Variants in TNFRSF8 observed in about 807,000 individuals in gnomAD.
The protein encoded by TNFRSF8 is tumor necrosis factor receptor superfamily member 8.
A neutral mutation model predicts 70.8 loss-of-function variants in TNFRSF8; 26 were observed. That is an observed-to-expected ratio of 0.37 (90% confidence interval 0.27 to 0.51). The LOEUF is 0.51. Among genes scored for constraint, TNFRSF8 ranks in the 20% least tolerant of loss-of-function variants. The pLI, the probability that TNFRSF8 is intolerant of heterozygous loss-of-function variation, is 0.94. For missense variants in TNFRSF8, 720 were observed against 807.9 expected, an observed-to-expected ratio of 0.89 and a Z score of 1.32; for synonymous variants, 356 against 339.2, an observed-to-expected ratio of 1.05 and a Z score of -0.54.
At chr1:12,065,032 TG>T (rs1640712807) in intron 1 of TNFRSF8, among the ~76,000 whole-genome samples, 1 of 150,068 alleles carries the variant, frequency 6.7e-6, no homozygotes, top group Non-Finnish European at 1.5e-5. Context: ...TTGTCCAGGC[TG>T]GAGTGCGATC....
chr1:12,071,487 G>A (rs914952320), intron 1 of TNFRSF8, among the ~76,000 whole-genome samples: 1 of 152,138 alleles, frequency 6.6e-6, no homozygotes. Context: ...TTTTTCTTCT[G>A]GATATGCTGT....
rs1641639213 is a variant in TNFRSF8, at chr1:12,111,911, A to T, written c.690A>T (p.Thr230=). The change falls in exon 7 of 15, where the codon ACA becomes ACT. Residue 230 remains threonine, a synonymous_variant. Coordinates refer to ENST00000263932, the MANE Select transcript of TNFRSF8 (RefSeq NM_001243.5). ...RPSSDPGLSP[T]QPCPEGSGDC... is the part of the protein sequence containing the mutation. Reference sequence around the variant, plus strand: ...TTCTTTCCCCAGGTCTGTCCCCAACACAGCCATGCCCAGAGGGGTCTGGTG... The same window carrying T: ...TTCTTTCCCCAGGTCTGTCCCCAACTCAGCCATGCCCAGAGGGGTCTGGTG... The T allele has an allele frequency of 6.2e-7, 1 of 1,614,080 alleles. No individual in the cohort carries two copies. The highest frequency in any genetic ancestry group is 1.3e-5 in the African/African-American group (1 of 74,944).
chr1:12,075,867 C>T (rs1361676102), intron 1 of TNFRSF8, among the ~76,000 whole-genome samples: 1 of 152,202 alleles, frequency 6.6e-6, no homozygotes, highest in Non-Finnish European at 1.5e-5. Context: ...ACACCTCCAA[C>T]CAGAAACATT....
At chr1:12,066,079 T>C (rs1640734682) in intron 1 of TNFRSF8, among the ~76,000 whole-genome samples, 1 of 152,220 alleles carries the variant, frequency 6.6e-6, no homozygotes, top group Non-Finnish European at 1.5e-5. Context: ...TTTTAATTTT[T>C]CTCAATGTGA....
At chr1:12,131,143 G>T (rs482170) in intron 12 of TNFRSF8, among the ~76,000 whole-genome samples, 107,794 of 152,088 alleles carry the variant, frequency 0.71, 38,510 homozygotes, top group Admixed American at 0.8. Flanking sequence ...TTTTAAAATA[G>T]TTTAATTTTT....
At chr1:12,117,072 G>A (rs1641744890) in intron 8 of TNFRSF8, among the ~76,000 whole-genome samples, 1 of 152,062 alleles carries the variant, frequency 6.6e-6, no homozygotes. Flanking sequence ...TTAATCCCCA[G>A]TATTGTCTTT....
At chr1:12,126,958 G>A (rs1428531974) in intron 12 of TNFRSF8, among the ~76,000 whole-genome samples, 1 of 152,194 alleles carries the variant, frequency 6.6e-6, no homozygotes, top group Non-Finnish European at 1.5e-5. Flanking sequence ...CCTGAGTCCT[G>A]GGTGCTTCTG....
chr1:12,094,679 G>A (rs1245663826), intron 2 of TNFRSF8, among the ~76,000 whole-genome samples: 2 of 146,842 alleles, frequency 1.4e-5, no homozygotes, highest in African/African-American at 5.1e-5. Flanking sequence ...AGGCTGGAGT[G>A]CAGTGACGCG....
intron 2 of TNFRSF8, among the ~76,000 whole-genome samples, chr1:12,093,101 G>A (rs1201644585): frequency 3.9e-5 from 6 of 152,056 alleles, no homozygotes; most frequent in Admixed American, 6.6e-5. Flanking sequence ...CCACCGCACC[G>A]GCCAAGTTTC....
intron 12 of TNFRSF8, among the ~76,000 whole-genome samples, chr1:12,134,391 G>A (rs1250561718): frequency 6.6e-6 from 1 of 152,218 alleles, no homozygotes; most frequent in Non-Finnish European, 1.5e-5. Flanking sequence ...GCTCCAGGAT[G>A]AGTTAGATGC....
In TNFRSF8 at chr1:12,108,431, C is replaced by T. The variant is rs1641567783; in HGVS notation, c.422-1135C>T. ...ATGGGAGTCCAGATGGGTGTAAGGA[C>T]ATAGCATTTACCATATGTCATGCAA... On this transcript the variant is annotated intron_variant, in intron 4 of 14. Coordinates refer to ENST00000263932, the MANE Select transcript of TNFRSF8 (RefSeq NM_001243.5). The surrounding 1 kb of genome is among the most constrained non-coding windows in gnomAD (Gnocchi z 4.0). Among the ~76,000 whole-genome samples, 1 of 152,142 alleles carries T rather than the reference C, an allele frequency of 6.6e-6. No individual in the cohort carries two copies. The highest frequency in any genetic ancestry group is 2.4e-5 in the African/African-American group (1 of 41,430).
At chr1:12,073,297 C>T (rs1640879806) in intron 1 of TNFRSF8, among the ~76,000 whole-genome samples, 1 of 151,320 alleles carries the variant, frequency 6.6e-6, no homozygotes, top group Non-Finnish European at 1.5e-5. Context: ...AAAGTAAATA[C>T]ACAAGCCCCT....
At position 12,108,527 on chromosome 1, in the gene TNFRSF8, G is replaced by A. The variant is rs4846091; in HGVS notation, c.422-1039G>A. On this transcript the variant is annotated intron_variant, in intron 4 of 14. Transcript: ENST00000263932. This position sits in a 1 kb window ranked among gnomAD's most constrained non-coding sequence, Gnocchi z 4.0. ...GCCTGGTGAAGAGTGTATGATTATA[G>A]TCATTTGACTGGGCTGGGCACGGCA... Among the ~76,000 whole-genome samples, 62,521 of 151,968 alleles carry A rather than the reference G, an allele frequency of 0.41. 13,873 individuals carry two copies. The highest frequency in any genetic ancestry group is 0.58 in the African/African-American group (24,028 of 41,444).
intron 8 of TNFRSF8, among the ~76,000 whole-genome samples, chr1:12,120,523 G>C (rs953368312): frequency 1.3e-5 from 2 of 152,194 alleles, no homozygotes; most frequent in African/African-American, 4.8e-5. Flanking sequence ...ATATGAAGAT[G>C]AAATTTCACC....
At chr1:12,118,585 C>G (rs1248527863) in intron 8 of TNFRSF8, among the ~76,000 whole-genome samples, 2 of 152,294 alleles carry the variant, frequency 1.3e-5, no homozygotes, top group East Asian at 3.9e-4. Context: ...CAGAAAAATT[C>G]ACGAAGTCGT....
intron 8 of TNFRSF8, among the ~76,000 whole-genome samples, chr1:12,117,770 G>A (rs1226548892): frequency 6.6e-6 from 1 of 152,102 alleles, no homozygotes; most frequent in Non-Finnish European, 1.5e-5. Context: ...AACTCAGGAC[G>A]TTTAGGGTAT....
In TNFRSF8 at chr1:12,112,092, C is replaced by A; in HGVS notation, c.793+78C>A. The A allele has an allele frequency of 2.8e-6, 3 of 1,061,840 alleles. No homozygotes were observed. The highest frequency in any genetic ancestry group is 4.2e-6 in the Non-Finnish European group (3 of 710,078). The allele number at this position is 1,061,840 out of a possible 1,614,324, so 65.8% of individuals were successfully genotyped here. On this transcript the variant is annotated intron_variant, in intron 7 of 14. Coordinates refer to ENST00000263932, the MANE Select transcript of TNFRSF8 (RefSeq NM_001243.5). This position sits in a 1 kb window ranked among gnomAD's most constrained non-coding sequence, Gnocchi z 5.3. ...CCGTGAACTTCCAGTAACTACTCCC[C>A]CTTATGTTTGTGGGTTTTTGATGGG...
At chr1:12,126,664 G>T (rs1480825188) in intron 12 of TNFRSF8, among the ~76,000 whole-genome samples, 1 of 152,060 alleles carries the variant, frequency 6.6e-6, no homozygotes, top group Non-Finnish European at 1.5e-5. Context: ...TGGCAAGTCA[G>T]CCCAGGGGCA....
chr1:12,075,342 T>C (rs1054416365), intron 1 of TNFRSF8, among the ~76,000 whole-genome samples: 13 of 152,034 alleles, frequency 8.6e-5, no homozygotes, highest in African/African-American at 3.1e-4. Context: ...CACCTTGGCT[T>C]CCCAAAGAGC....
Sources: allele counts gnomAD v4.1 joint callset (sites outside exome capture counted in the v4.1 genomes callset), GRCh38; gene constraint gnomAD v4.1.1; non-coding constraint Gnocchi (gnomAD v3.1); transcripts MANE v1.5; gene names NCBI Gene and HGNC (gene_info 2026-07-23, HGNC 2026-07-21).